The following RGS6 variants were observed in gnomAD, a reference collection of about 807,000 sequenced individuals.
RGS6 encodes regulator of G-protein signaling 6.
RGS6 carries 30 observed loss-of-function variants against 78.5 expected under a neutral mutation model. The observed-to-expected ratio is 0.38, with a 90% CI of 0.29 to 0.52. RGS6 has a LOEUF of 0.52. Among genes scored for constraint, RGS6 ranks in the 20% least tolerant of loss-of-function variants. The pLI, the probability that RGS6 is intolerant of heterozygous loss-of-function variation, is 0.85. For synonymous variants in RGS6, 206 were observed against 206.0 expected (o/e 1.00, Z 0.00); for missense variants, 495 against 609.7 (o/e 0.81, Z 1.98).
intron 13 of RGS6, among the ~76,000 whole-genome samples, chr14:72,503,065 G>A (rs1009721351): frequency 6.6e-5 from 10 of 152,096 alleles, no homozygotes; most frequent in African/African-American, 2.2e-4. Flanking sequence ...GTTCAAGGTC[G>A]AGATGCCACA....
the RGS6 span, among the ~76,000 whole-genome samples, chr14:71,907,802 A>G: frequency 1.3e-5 from 2 of 152,044 alleles, no homozygotes; most frequent in Admixed American, 1.3e-4. Context: ...AAGAGGTGAA[A>G]TCAACAGGGA....
At chr14:71,943,518 G>GAATCCTGCTCC (rs2090991361) in intron 1 of RGS6, among the ~76,000 whole-genome samples, 1 of 152,158 alleles carries the variant, frequency 6.6e-6, no homozygotes, top group South Asian at 2.1e-4. Flanking sequence ...AAGTCTCTGA[G>GAATCCTGCTCC]AATCCTGCTC....
rs566889389 is a variant in RGS6 at position 72,394,401 on chromosome 14, G to A, written c.184+42207G>A. Among the ~76,000 whole-genome samples the A allele has an allele frequency of 1.9e-3, 284 of 152,158 alleles. 2 individuals carry two copies. Among genetic ancestry groups the A allele is most frequent in the African/African-American group, 6.3e-3 (261 of 41,516 alleles). On this transcript the variant is annotated intron_variant, in intron 3 of 17. Coordinates refer to ENST00000553525, the MANE Select transcript of RGS6 (RefSeq NM_001204424.2). ...TGGGGCGAGATCACAGGCCCGGGGC[G>A]AAATTAAAATTGCTAATGAAGTTTC... is the stretch of plus-strand genomic sequence containing the variant.
chr14:72,391,603 G>A (rs11623523), intron 3 of RGS6, among the ~76,000 whole-genome samples: 83,306 of 151,968 alleles, frequency 0.55, 25,071 homozygotes, highest in African/African-American at 0.8. Context: ...TTACATATAT[G>A]TATATACACA....
chr14:72,281,237 C>T (rs1266193273), intron 2 of RGS6, among the ~76,000 whole-genome samples: 2 of 151,372 alleles, frequency 1.3e-5, no homozygotes. Context: ...TAGCCTCCGC[C>T]TCCCAGGTTC....
intron 2 of RGS6, among the ~76,000 whole-genome samples, chr14:72,035,719 C>A (rs2091598782): frequency 6.6e-6 from 1 of 152,086 alleles, no homozygotes; most frequent in Non-Finnish European, 1.5e-5. Flanking sequence ...AAACATGGGT[C>A]ACAGTAGCAT....
At chr14:72,414,144 G>C (rs2093630518) in intron 3 of RGS6, among the ~76,000 whole-genome samples, 1 of 152,184 alleles carries the variant, frequency 6.6e-6, no homozygotes, top group South Asian at 2.1e-4. Context: ...AGTTCTCCTG[G>C]ATAATATCCT....
In RGS6 at chr14:72,182,123, G is replaced by A. The variant is rs528688148; in HGVS notation, c.85-169972G>A. Among the ~76,000 whole-genome samples, 5 of 152,128 alleles carry A rather than the reference G, an allele frequency of 3.3e-5. No individual in the cohort carries two copies. The South Asian group carries it at 8.3e-4, about 25-fold the overall frequency. ...CATTCTTTTCTTTAGAAAATGTATA[G>A]CTTAGGCCAGGCGCAGTGGCTCACG... On this transcript the variant is annotated intron_variant, in intron 2 of 17. Coordinates refer to ENST00000553525, the MANE Select transcript of RGS6 (RefSeq NM_001204424.2).
At chr14:72,444,366 G>A (rs2095303214) in intron 3 of RGS6, among the ~76,000 whole-genome samples, 1 of 152,112 alleles carries the variant, frequency 6.6e-6, no homozygotes, top group Non-Finnish European at 1.5e-5. Context: ...AGTCTGAGTG[G>A]GAGGGAGGTG....
At chr14:72,253,994 T>C (rs1022576680) in intron 2 of RGS6, among the ~76,000 whole-genome samples, 4 of 152,236 alleles carry the variant, frequency 2.6e-5, no homozygotes, top group Non-Finnish European at 5.9e-5. Context: ...TTCTTTATAA[T>C]GTTTGCGTTG....
intron 2 of RGS6, among the ~76,000 whole-genome samples, chr14:71,997,115 G>A (rs1024428978): frequency 6.6e-6 from 1 of 152,186 alleles, no homozygotes; most frequent in African/African-American, 2.4e-5. Flanking sequence ...ACTGACACCT[G>A]AGATGGAGAG....
At chr14:71,954,486 A>C (rs1477256628) in intron 1 of RGS6, among the ~76,000 whole-genome samples, 2 of 152,154 alleles carry the variant, frequency 1.3e-5, no homozygotes, top group African/African-American at 2.4e-5. Context: ...TATGGGGTAC[A>C]TGAGATATCT....
the RGS6 span, among the ~76,000 whole-genome samples, chr14:71,909,705 T>G: frequency 6.6e-6 from 1 of 152,060 alleles, no homozygotes; most frequent in Non-Finnish European, 1.5e-5. Context: ...AAAGGAGTGC[T>G]GTGTTCAGAG....
At chr14:72,118,438 C>A (rs2153564461) in intron 2 of RGS6, among the ~76,000 whole-genome samples, 1 of 152,296 alleles carries the variant, frequency 6.6e-6, no homozygotes, top group Non-Finnish European at 1.5e-5. Flanking sequence ...CAAGCATGAC[C>A]ATTCATGCTC....
At chr14:72,038,379 T>C (rs1596436823) in intron 2 of RGS6, among the ~76,000 whole-genome samples, 3 of 152,344 alleles carry the variant, frequency 2.0e-5, no homozygotes, top group Admixed American at 1.3e-4. Context: ...CTATTCTTGT[T>C]TCTTTGCCTT....
intron 1 of RGS6, among the ~76,000 whole-genome samples, chr14:71,941,023 ACT>A (rs2090450731): frequency 6.8e-6 from 1 of 148,132 alleles, no homozygotes; most frequent in Admixed American, 6.9e-5. Context: ...AGGAGATAAG[ACT>A]CTCACTTAGT....
intron 2 of RGS6, among the ~76,000 whole-genome samples, chr14:72,138,751 A>T (rs926078271): frequency 8.5e-5 from 13 of 152,050 alleles, no homozygotes; most frequent in Non-Finnish European, 1.6e-4. Flanking sequence ...CCCTGTTGTG[A>T]ACTGCATATG....
At chr14:72,144,330 T>C (rs1322786853) in intron 2 of RGS6, among the ~76,000 whole-genome samples, 1 of 152,158 alleles carries the variant, frequency 6.6e-6, no homozygotes, top group Non-Finnish European at 1.5e-5. Context: ...AAATTCTTAG[T>C]CCCTAAAGGA....
intron 2 of RGS6, among the ~76,000 whole-genome samples, chr14:72,176,816 C>T (rs922165507): frequency 1.3e-5 from 2 of 152,170 alleles, no homozygotes; most frequent in African/African-American, 4.8e-5. Flanking sequence ...CGCACATGTG[C>T]ACACACACGC....
Sources: gnomAD v4.1 joint callset for allele counts (sites outside exome capture counted in the v4.1 genomes callset) on GRCh38, gnomAD v4.1.1 for gene constraint, MANE v1.5 for transcripts, NCBI Gene and HGNC (gene_info 2026-07-23, HGNC 2026-07-21) for gene names.